The following EML1 variants were observed in gnomAD, a reference collection of about 807,000 sequenced individuals.
The protein encoded by EML1 is EMAP like 1.
In EML1, 27 loss-of-function variants were observed where a neutral mutation model predicts 110.4. The ratio of observed to expected loss-of-function variants is 0.24; its 90% CI spans 0.18 to 0.34. EML1 has a LOEUF of 0.34. Ranked by LOEUF, EML1 falls within the 10% of genes least tolerant of loss-of-function variation. The probability of loss-of-function intolerance (pLI) is 1.00; values close to 1 mark genes in which losing one functional copy is unlikely to be tolerated. For missense variants in EML1, 741 were observed against 1,030.9 expected (o/e 0.72, Z 3.85); for synonymous variants, 344 against 385.8 (o/e 0.89, Z 1.27).
At chr14:99,858,440 CT>C (rs1408868588) in intron 2 of EML1, among the ~76,000 whole-genome samples, 5 of 152,112 alleles carry the variant, frequency 3.3e-5, no homozygotes, top group African/African-American at 1.2e-4. Context: ...CCACCTCGGC[CT>C]CCCAAAGTGC....
intron 5 of EML1, 106 bp from the exon 6 acceptor site, chr14:99,894,523 G>A (rs1040539338): frequency 7.1e-6 from 9 of 1,274,794 alleles, no homozygotes; most frequent in Middle Eastern, 5.4e-4. Context: ...ATGACAGAAG[G>A]GTAAAAGTTT....
rs1257721951 is a variant in EML1 at position 99,936,614 on chromosome 14, C to T, written c.2095+280C>T. On this transcript the variant is annotated intron_variant, in intron 19 of 21. Transcript: ENST00000262233. The surrounding 1 kb of genome is among the most constrained non-coding windows in gnomAD (Gnocchi z 5.5). Reference sequence around the variant, plus strand: ...CCTGCAGAGGGGGGCTTGGGGCAGGCGGATGTGGCAGAAGGGGGCGGGTCC... The same window carrying T: ...CCTGCAGAGGGGGGCTTGGGGCAGGTGGATGTGGCAGAAGGGGGCGGGTCC... Among the ~76,000 whole-genome samples, 3 of 151,970 alleles carry T rather than the reference C, an allele frequency of 2.0e-5. No homozygotes were observed. The highest frequency in any genetic ancestry group is 2.4e-5 in the African/African-American group (1 of 41,386).
intron 1 of EML1, chr14:99,737,929 G>A: frequency 7.9e-7 from 1 of 1,273,040 alleles, no homozygotes; most frequent in East Asian, 5.7e-5. Flanking sequence ...GTCGCCGAGG[G>A]CACTGGGGCC....
At chr14:99,869,814 C>T (rs551653333) in intron 3 of EML1, among the ~76,000 whole-genome samples, 1 of 152,080 alleles carries the variant, frequency 6.6e-6, no homozygotes, top group African/African-American at 2.4e-5. Context: ...TTTAAAAGAG[C>T]GTGGCACCTC....
At chr14:99,763,073 C>G (rs992390316) in intron 1 of EML1, among the ~76,000 whole-genome samples, 3 of 152,068 alleles carry the variant, frequency 2.0e-5, no homozygotes, top group African/African-American at 7.2e-5. Flanking sequence ...GTAAGTATCA[C>G]GAGATCTGAC....
At chr14:99,859,870 C>T (rs1188599511) in intron 2 of EML1, among the ~76,000 whole-genome samples, 1 of 152,212 alleles carries the variant, frequency 6.6e-6, no homozygotes, top group Non-Finnish European at 1.5e-5. Context: ...CACAACAGAG[C>T]ATTTTATTGT....
At chr14:99,873,985 A>G (rs2059247563) in intron 3 of EML1, among the ~76,000 whole-genome samples, 1 of 152,160 alleles carries the variant, frequency 6.6e-6, no homozygotes, top group Non-Finnish European at 1.5e-5. Flanking sequence ...ATCATCAGAA[A>G]ATCTCTGGTC....
chr14:99,915,917 T>G lies in EML1; in HGVS notation c.1752+1220T>G, dbSNP rs139234528. Reference sequence around the variant, plus strand: ...GGTTCAAGTTTTGGCTCCCTTCCCTTCATTTTCACGGAAGGGGTGCTGGTC... The same window carrying G: ...GGTTCAAGTTTTGGCTCCCTTCCCTGCATTTTCACGGAAGGGGTGCTGGTC... On this transcript the variant is annotated intron_variant, in intron 15 of 21. Coordinates refer to ENST00000262233, the MANE Select transcript of EML1 (RefSeq NM_004434.3). Among the ~76,000 whole-genome samples the G allele has an allele frequency of 5.2e-4, 79 of 152,254 alleles. 4 individuals are homozygous for G. In the East Asian group the frequency reaches 9.4e-3, roughly 18 times the overall value.
At position 99,833,327 on chromosome 14, in the gene EML1, C is replaced by T. The variant is rs190965445; in HGVS notation, c.68-17526C>T. On this transcript the variant is annotated intron_variant, in intron 1 of 21. Transcript: ENST00000262233. Reference sequence around the variant, plus strand: ...AAAAATCAGTTGCCCATAAAGGTATCGGTCTGTTTCTTAACTCTCTATTCT... The same window carrying T: ...AAAAATCAGTTGCCCATAAAGGTATTGGTCTGTTTCTTAACTCTCTATTCT... Among the ~76,000 whole-genome samples, 8 of 152,220 alleles carry T rather than the reference C, an allele frequency of 5.3e-5. No individual in the cohort carries two copies. In the East Asian group the frequency reaches 1.3e-3, roughly 26 times the overall value.
intron 9 of EML1, among the ~76,000 whole-genome samples, chr14:99,906,637 G>A (rs917558820): frequency 2.6e-5 from 4 of 152,172 alleles, no homozygotes; most frequent in Non-Finnish European, 5.9e-5. Flanking sequence ...ATCTCATTCT[G>A]TGACCTAGAA....
At chr14:99,787,705 C>T (rs927415787) in intron 1 of EML1, among the ~76,000 whole-genome samples, 10 of 152,092 alleles carry the variant, frequency 6.6e-5, no homozygotes, top group African/African-American at 1.9e-4. Flanking sequence ...AGTCCAAAAC[C>T]CAGGTGTGGG....
chr14:99,863,462 TC>T (rs1473014666), intron 2 of EML1, among the ~76,000 whole-genome samples: 2 of 152,228 alleles, frequency 1.3e-5, no homozygotes, highest in Non-Finnish European at 2.9e-5. Context: ...CATGATGGTA[TC>T]TTACAGAATA....
intron 1 of EML1, among the ~76,000 whole-genome samples, chr14:99,811,424 C>A (rs916234092): frequency 6.7e-6 from 1 of 149,944 alleles, no homozygotes. Context: ...ATAATACAAG[C>A]AGTCGATTAA....
At chr14:99,803,165 T>C (rs1300587750) in intron 1 of EML1, among the ~76,000 whole-genome samples, 7 of 152,180 alleles carry the variant, frequency 4.6e-5, no homozygotes, top group Non-Finnish European at 5.9e-5. Flanking sequence ...GTGAGTTTCC[T>C]GGTGAAAGGT....
In EML1 at chr14:99,739,089, TGTGA is replaced by T. The variant is rs1318473587; in HGVS notation, c.28+1231_28+1234del. On this transcript the variant is annotated intron_variant, in intron 1 of 10. Transcript: ENST00000554479. The stretch of plus-strand genomic sequence containing the variant: ...GAGTGTGTGTGTGTGTGTGTGTGTG[TGTGA>T]GAGAGAGAGACAGAGAGAGAGAGAG... Among the ~76,000 whole-genome samples the T allele has an allele frequency of 1.3e-4, 18 of 134,038 alleles. No individual in the cohort carries two copies. The East Asian group carries it at 3.1e-3, about 23-fold the overall frequency. The allele number at this position is 134,038 out of a possible 152,430, so 87.9% of individuals were successfully genotyped here.
intron 13 of EML1, among the ~76,000 whole-genome samples, chr14:99,912,363 C>A (rs940623300): frequency 6.6e-6 from 1 of 152,046 alleles, no homozygotes; most frequent in African/African-American, 2.4e-5. Context: ...CCCTGCATTC[C>A]GGTAGGCACC....
At chr14:99,914,395 C>A (rs140814258) in intron 14 of EML1, 91 bp downstream of exon 14, 6 of 1,551,654 alleles carry the variant, frequency 3.9e-6, no homozygotes, top group Non-Finnish European at 1.7e-6. Context: ...CTTTATACTA[C>A]GATAACCTTC....
chr14:99,871,547 A>G (rs2059205593), intron 3 of EML1, among the ~76,000 whole-genome samples: 3 of 152,022 alleles, frequency 2.0e-5, no homozygotes, highest in Non-Finnish European at 1.5e-5. Flanking sequence ...TTTATGATTC[A>G]TGGGAGGAGG....
chr14:99,935,073 T>C (rs988272188), intron 17 of EML1, among the ~76,000 whole-genome samples: 2 of 152,132 alleles, frequency 1.3e-5, no homozygotes, highest in Non-Finnish European at 2.9e-5. Context: ...AGGAGCAACG[T>C]GGCTAGAAGG....
Sources: gnomAD v4.1 joint callset for allele counts (sites outside exome capture counted in the v4.1 genomes callset) on GRCh38, gnomAD v4.1.1 for gene constraint, Gnocchi (gnomAD v3.1) non-coding constraint, MANE v1.5 for transcripts, NCBI Gene and HGNC (gene_info 2026-07-23, HGNC 2026-07-21) for gene names.